The following PPP3CA variants were observed in gnomAD, a reference collection of about 807,000 sequenced individuals.
PPP3CA encodes the protein CAM-PRP catalytic subunit.
Under a neutral mutation model 66.5 loss-of-function variants are expected in PPP3CA, and 14 were observed. The observed-to-expected ratio is 0.21, with a 90% CI of 0.14 to 0.33. The LOEUF (loss-of-function observed/expected upper bound fraction) is 0.33, where lower values mean the gene tolerates loss of function less well. Ranked by LOEUF, PPP3CA falls within the 10% of genes least tolerant of loss-of-function variation. The probability of loss-of-function intolerance (pLI) is 1.00; values close to 1 mark genes in which losing one functional copy is unlikely to be tolerated. For synonymous variants in PPP3CA, 232 were observed against 226.2 expected, an observed-to-expected ratio of 1.03 and a Z score of -0.23; for missense variants, 317 against 639.5, an observed-to-expected ratio of 0.50 and a Z score of 5.44.
intron 6 of PPP3CA, among the ~76,000 whole-genome samples, chr4:101,088,503 T>C (rs186336708): frequency 7.1e-6 from 1 of 141,618 alleles, no homozygotes; most frequent in South Asian, 2.2e-4. Context: ...GAGAATGGTG[T>C]GAACCCAGGA....
intron 2 of PPP3CA, among the ~76,000 whole-genome samples, chr4:101,133,151 T>C (rs1722505355): frequency 6.6e-6 from 1 of 152,148 alleles, no homozygotes; most frequent in African/African-American, 2.4e-5. Context: ...TCATACTGAA[T>C]GGGAAAAAGC....
intron 2 of PPP3CA, among the ~76,000 whole-genome samples, chr4:101,152,977 T>C (rs1405688): frequency 0.093 from 14,234 of 152,244 alleles, 861 homozygotes; most frequent in Non-Finnish European, 0.14. Context: ...GAGTAAGGTT[T>C]ATCTGGGTCA....
At chr4:101,278,803 A>G (rs1324620590) in intron 1 of PPP3CA, among the ~76,000 whole-genome samples, 1 of 152,066 alleles carries the variant, frequency 6.6e-6, no homozygotes. Flanking sequence ...TATTTTCCCT[A>G]CCATCCCTTT....
At chr4:101,140,280 T>C (rs1722761795) in intron 2 of PPP3CA, among the ~76,000 whole-genome samples, 1 of 152,210 alleles carries the variant, frequency 6.6e-6, no homozygotes, top group Non-Finnish European at 1.5e-5. Context: ...AACTAGATTT[T>C]AGTGTATATC....
intron 2 of PPP3CA, among the ~76,000 whole-genome samples, chr4:101,173,039 A>T (rs953181120): frequency 1.3e-5 from 2 of 152,150 alleles, no homozygotes; most frequent in Non-Finnish European, 2.9e-5. Flanking sequence ...TCCACAAGCC[A>T]ACTTCCCTCC....
In PPP3CA at chr4:101,210,826, AG is replaced by A. The variant is rs150535550; in HGVS notation, c.59-14711del. On this transcript the variant is annotated intron_variant, in intron 1 of 13. Coordinates refer to ENST00000394854, the MANE Select transcript of PPP3CA (RefSeq NM_000944.5). ...AAGGCGGCCTACAAATCATTAGACA[AG>A]TTCTCTGCAAAGTTCAAAAAAAGTT... Among the ~76,000 whole-genome samples, 613 of 152,300 alleles carry A rather than the reference AG, an allele frequency of 4.0e-3. 1 individual carries two copies. The highest frequency in any genetic ancestry group is 0.014 in the African/African-American group (592 of 41,576).
chr4:101,213,988 AT>A (rs1175870908), intron 1 of PPP3CA, among the ~76,000 whole-genome samples: 3 of 152,290 alleles, frequency 2.0e-5, no homozygotes, highest in Non-Finnish European at 4.4e-5. Context: ...AGGCGCTCCC[AT>A]CTTCCCCCCA....
chr4:101,040,487 C>T lies in PPP3CA; in HGVS notation c.1236G>A (p.Val412=). 6.2e-7 allele frequency: 1 copy of T among 1,609,148 alleles called. No individual in the cohort carries two copies. Among genetic ancestry groups the T allele is most frequent in the Middle Eastern group, 1.7e-4 (1 of 6,048 alleles). The part of the protein sequence containing the change: ...AIGKMARVFS[V]LREESESVLT... ...CAGAGTACGAATGCACCCACCTGAG[C>T]ACTGAGAACACTCTGGCCATTTTGC... The change falls in exon 11 of 14, where the codon GTG becomes GTA. Residue 412 remains valine (V), a synonymous_variant. Transcript: ENST00000394854.
chr4:101,112,441 C>T (rs965328055), intron 2 of PPP3CA, among the ~76,000 whole-genome samples: 61 of 152,054 alleles, frequency 4.0e-4, no homozygotes, highest in African/African-American at 1.4e-3. Context: ...ACAAAATACC[C>T]TGAAATCTAG....
chr4:101,318,723 T>C (rs1324393432), intron 1 of PPP3CA, among the ~76,000 whole-genome samples: 8 of 152,178 alleles, frequency 5.3e-5, no homozygotes, highest in African/African-American at 1.2e-4. Context: ...TCAGGTTTCA[T>C]AGGTTCTTAA....
At chr4:101,177,937 T>C (rs1184239638) in intron 2 of PPP3CA, among the ~76,000 whole-genome samples, 1 of 152,106 alleles carries the variant, frequency 6.6e-6, no homozygotes, top group Non-Finnish European at 1.5e-5. Flanking sequence ...AACATATATA[T>C]CCATCCATTT....
intron 11 of PPP3CA, among the ~76,000 whole-genome samples, chr4:101,033,069 ATATT>A (rs1471204128): frequency 1.4e-4 from 22 of 152,248 alleles, no homozygotes; most frequent in African/African-American, 3.4e-4. Flanking sequence ...TATTTTAATT[ATATT>A]TATTAATTAC....
At chr4:101,327,084 T>C (rs770064483) in intron 1 of PPP3CA, among the ~76,000 whole-genome samples, 8 of 152,154 alleles carry the variant, frequency 5.3e-5, no homozygotes, top group Non-Finnish European at 1.2e-4. Context: ...AGAAAAGAGG[T>C]AGACTTTCAT....
intron 1 of PPP3CA, among the ~76,000 whole-genome samples, chr4:101,240,048 C>CT (rs1560675430): frequency 7.4e-6 from 1 of 135,856 alleles, no homozygotes. Flanking sequence ...TTGGGGGGAG[C>CT]GGGGGGGAGG....
intron 2 of PPP3CA, among the ~76,000 whole-genome samples, chr4:101,134,755 T>C (rs557457060): frequency 6.6e-6 from 1 of 152,324 alleles, no homozygotes; most frequent in African/African-American, 2.4e-5. Flanking sequence ...TAATAAATCA[T>C]TCTACTATAA....
At chr4:101,255,094 G>C (rs1226327970) in intron 1 of PPP3CA, among the ~76,000 whole-genome samples, 1 of 148,918 alleles carries the variant, frequency 6.7e-6, no homozygotes, top group Admixed American at 6.7e-5. Flanking sequence ...AGTTATACAG[G>C]ACAAAGTTCC....
In PPP3CA at chr4:101,084,531, T is replaced by C. The variant is rs183800038; in HGVS notation, c.783-1268A>G. 9.9e-5 allele frequency among the ~76,000 whole-genome samples: 15 copies of C among 151,700 alleles called. No homozygotes were observed. The East Asian group carries it at 2.1e-3, about 22-fold the overall frequency. On this transcript the variant is annotated intron_variant, in intron 6 of 13. Transcript: ENST00000394854. ...AGGGGTGGGCGCCTGTAATCCCAAC[T>C]ACTCGGGAGGCTGAGGCAGGAGAAT...
chr4:101,073,812 A>T (rs1729029169), intron 8 of PPP3CA, among the ~76,000 whole-genome samples: 1 of 152,164 alleles, frequency 6.6e-6, no homozygotes, highest in African/African-American at 2.4e-5. Context: ...TACTTTAGTC[A>T]AAAAACAAAA....
At position 101,138,512 on chromosome 4, in the gene PPP3CA, G is replaced by A. The variant is rs979235239; in HGVS notation, c.260-29434C>T. Among the ~76,000 whole-genome samples the A allele has an allele frequency of 2.6e-5, 4 of 152,182 alleles. No individual in the cohort carries two copies. In the South Asian group the frequency reaches 8.3e-4, roughly 32 times the overall value. Reference sequence around the variant, plus strand: ...GGGAACAGAAGTGTTTTGTATTTTGGATTTTTTGGGTTTTAGAATATTTAT... The same window carrying A: ...GGGAACAGAAGTGTTTTGTATTTTGAATTTTTTGGGTTTTAGAATATTTAT... On this transcript the variant is annotated intron_variant, in intron 2 of 13. Transcript: ENST00000394854.
Sources: gnomAD v4.1 joint callset for allele counts (sites outside exome capture counted in the v4.1 genomes callset) on GRCh38, gnomAD v4.1.1 for gene constraint, MANE v1.5 for transcripts, NCBI Gene and HGNC (gene_info 2026-07-23, HGNC 2026-07-21) for gene names.